Variants in MUC6 observed in about 807,000 individuals in gnomAD.
The protein encoded by MUC6 is mucin 6, oligomeric mucus/gel-forming (gene/pseudogene), also known as mucin-6.
A neutral mutation model predicts 201.5 loss-of-function variants in MUC6; 188 were observed. The observed-to-expected ratio is 0.93, with a 90% CI of 0.83 to 1.05. The LOEUF (loss-of-function observed/expected upper bound fraction) is 1.05. MUC6 is among the 50% of genes least tolerant of loss of function. MUC6 has a pLI of 0.00. For missense variants in MUC6, 2,706 were observed against 3,256.9 expected (o/e 0.83, Z 4.12); for synonymous variants, 1,228 against 1,389.4 (o/e 0.88, Z 2.58).
chr11:1,034,951 A>T (rs1857184832), intron 1 of MUC6, among the ~76,000 whole-genome samples: 1 of 152,152 alleles, frequency 6.6e-6, no homozygotes, highest in African/African-American at 2.4e-5. Context: ...TCCTGCCCAG[A>T]CTGGCTGTGC....
intron 10 of MUC6, 24 bp downstream of exon 10, chr11:1,029,204 C>T: frequency 6.2e-7 from 1 of 1,605,860 alleles, no homozygotes; most frequent in Non-Finnish European, 8.5e-7. Context: ...CGCCCCTCCC[C>T]ACGGGCCACA....
chr11:1,026,252 C>T, intron 20 of MUC6, 75 bp downstream of exon 20: 1 of 1,542,016 alleles, frequency 6.5e-7, no homozygotes, highest in East Asian at 2.3e-5. Flanking sequence ...CTGGGACAGC[C>T]CCACCCCGGG....
intron 19 of MUC6, among the ~76,000 whole-genome samples, 152 bp downstream of exon 19, chr11:1,026,789 T>C (rs1856970002): frequency 6.6e-6 from 1 of 152,226 alleles, no homozygotes; most frequent in Admixed American, 6.5e-5. Context: ...GGCCTCCAGC[T>C]GCCTGGCCAC....
chr11:1,033,190 A>G lies in MUC6; in HGVS notation c.53-115T>C. The G allele has an allele frequency of 9.4e-7, 1 of 1,060,972 alleles. No individual in the cohort carries two copies. The highest frequency in any genetic ancestry group is 1.4e-6 in the Non-Finnish European group (1 of 692,726). 65.7% of individuals were successfully genotyped at this position (1,060,972 alleles called of 1,614,324 possible). A position where few individuals can be genotyped will look rare whatever the true frequency, so the allele number is the denominator to read the frequency against. On this transcript the variant is annotated intron_variant, in intron 1 of 32. Transcript: ENST00000421673. This position sits in a 1 kb window ranked among gnomAD's most constrained non-coding sequence, Gnocchi z 5.6. ...TCCCTGCACACACTCGGCGTGCGAG[A>G]AGTGTCCATGGCCCGTGGGGCTCGA...
At chr11:1,022,117 G>A (rs11602095) in intron 26 of MUC6, among the ~76,000 whole-genome samples, 11,039 of 117,108 alleles carry the variant, frequency 0.094, 481 homozygotes, top group Middle Eastern at 0.19. Context: ...CTGCAGCCCC[G>A]CGCCCCTCAC....
Position 1,016,460 on chromosome 11 carries a change from A to C in MUC6, c.6341T>G (p.Leu2114Trp). The C allele has an allele frequency of 6.2e-7, 1 of 1,613,766 alleles. No individual in the cohort carries two copies. Among genetic ancestry groups the C allele is most frequent in the Non-Finnish European group, 8.5e-7 (1 of 1,179,844 alleles). The change falls in exon 31 of 33, where the codon TTG (leucine) becomes TGG (tryptophan). Residue 2114 changes from leucine to tryptophan, a missense_variant. This residue lies in a region of MUC6 where 586 missense variants were observed against 488.0 expected (regional missense o/e 1.20). Coordinates refer to ENST00000421673, the MANE Select transcript of MUC6 (RefSeq NM_005961.3). Reference sequence around the variant, plus strand: ...GGAAACAGGAGTGGTTGCAGAACTCAAGTGGGGGAGTTGTGTGGTGATAGG... The same window carrying C: ...GGAAACAGGAGTGGTTGCAGAACTCCAGTGGGGGAGTTGTGTGGTGATAGG... ...SSPITTQLPHLSSATTPVSTT... is the reference protein window; with the variant it reads ...SSPITTQLPHWSSATTPVSTT...
At chr11:1,031,506 G>A in intron 4 of MUC6, 101 bp downstream of exon 4, 6 of 1,494,224 alleles carry the variant, frequency 4.0e-6, no homozygotes, top group Non-Finnish European at 5.4e-6. Context: ...ATGGCAGCCT[G>A]AGGGCTGGCT....
rs771894348 is a variant in MUC6, at chr11:1,033,003, G to T, written c.115+10C>A. ...CTGGGCGGCAGGATCAGTGGCCGCT[G>T]TGTTCTTACCTGTCTGTGGAGAGTC... On this transcript the variant is annotated intron_variant, in intron 2 of 32. Transcript: ENST00000421673. This position sits in a 1 kb window ranked among gnomAD's most constrained non-coding sequence, Gnocchi z 5.6. 6.3e-7 allele frequency: 1 copy of T among 1,578,758 alleles called. No homozygotes were observed. Among genetic ancestry groups the T allele is most frequent in the Non-Finnish European group, 8.7e-7 (1 of 1,153,902 alleles).
rs1185028376 is a variant in MUC6 at position 1,031,158 on chromosome 11, C to T, written c.574+11G>A. 3 of 1,517,130 alleles carry T rather than the reference C, an allele frequency of 2.0e-6. No homozygotes were observed. Among genetic ancestry groups the T allele is most frequent in the Non-Finnish European group, 1.8e-6 (2 of 1,126,754 alleles). 94.0% of individuals were successfully genotyped at this position (1,517,130 alleles called of 1,614,324 possible). A position where few individuals can be genotyped will look rare whatever the true frequency, so the allele number is the denominator to read the frequency against. On this transcript the variant is annotated intron_variant, in intron 5 of 32. Transcript: ENST00000421673. ...CCCCCCCAGAGGCCCCCCAGCCCTG[C>T]CCCCACCTACCCTCCTCACTGACAA...
chr11:1,020,010 C>T, intron 29 of MUC6, 80 bp downstream of exon 29: 1 of 1,501,586 alleles, frequency 6.7e-7, no homozygotes, highest in Non-Finnish European at 9.1e-7. Flanking sequence ...GAAGCAGGGC[C>T]ATCCCTAAGC....
Position 1,018,729 on chromosome 11 carries a change from G to A in MUC6, c.4072C>T (p.Gln1358Ter), listed in dbSNP as rs1321336632. ...GGGGTTGGACGTGGGCCTGTCGTCT[G>A]GGTGGCCGTTGTTCCTGGCAGTTCC... is the stretch of plus-strand genomic sequence containing the variant. ...NQELPGTTATQTTGPRPTPAS... is the reference protein window; with the variant it reads ...NQELPGTTAT The change falls in exon 31 of 33, where the codon CAG becomes TAG. Residue 1358 changes from glutamine (Q) to a stop codon, truncating the protein, a stop_gained. Transcript: ENST00000421673. LOFTEE classifies it high-confidence loss of function. 1.3e-6 allele frequency: 2 copies of A among 1,583,926 alleles called. No homozygotes were observed. The highest frequency in any genetic ancestry group is 1.4e-5 in the African/African-American group (1 of 72,796).
intron 20 of MUC6, 49 bp from the exon 21 acceptor site, chr11:1,026,190 A>G: frequency 6.4e-7 from 1 of 1,561,032 alleles, no homozygotes. Flanking sequence ...CTCCTGCCAT[A>G]CTGGGTGTGG....
In MUC6 at chr11:1,025,981, C is replaced by A. The variant is rs961287240; in HGVS notation, c.2688+19G>T. ...GCCTCTGGGTCCCCGGCCCCTGCGG[C>A]CTGGCACCCGATGGTTACCGTGGCC... On this transcript the variant is annotated intron_variant, in intron 21 of 32. Coordinates refer to ENST00000421673, the MANE Select transcript of MUC6 (RefSeq NM_005961.3). 18 of 1,588,392 alleles carry A rather than the reference C, an allele frequency of 1.1e-5. No homozygotes were observed. In the African/African-American group the frequency reaches 2.4e-4, roughly 21 times the overall value.
Position 1,018,616 on chromosome 11 carries a change from A to G in MUC6, c.4185T>C (p.Thr1395=), listed in dbSNP as rs375986967. 1 of 1,612,202 alleles carries G rather than the reference A, an allele frequency of 6.2e-7. No individual in the cohort carries two copies. The change falls in exon 31 of 33, where the codon ACT becomes ACC. Residue 1395 remains threonine (T), a synonymous_variant. Coordinates refer to ENST00000421673, the MANE Select transcript of MUC6 (RefSeq NM_005961.3). ...ATETTQTRTT[T]EYTTPQTPHT... Reference sequence around the variant, plus strand: ...GTGGGGTTTGGGGCGTTGTGTATTCAGTAGTCGTTCTTGTTTGAGTGGTCT... The same window carrying G: ...GTGGGGTTTGGGGCGTTGTGTATTCGGTAGTCGTTCTTGTTTGAGTGGTCT...
In MUC6 at chr11:1,026,934, C is replaced by G. The variant is rs190882052; in HGVS notation, c.2394+7G>C. On this transcript the variant is annotated splice_region_variant and intron_variant, in intron 19 of 32. Coordinates refer to ENST00000421673, the MANE Select transcript of MUC6 (RefSeq NM_005961.3). ...GCATTGTCCCTGCTCCTCGCGCGCC[C>G]CCTTACGCAGGCAACACCGGTGGCC... 2.0e-5 allele frequency: 31 copies of G among 1,573,682 alleles called. No individual in the cohort carries two copies. Among genetic ancestry groups the G allele is most frequent in the Middle Eastern group, 3.3e-4 (2 of 5,990 alleles).
At position 1,025,095 on chromosome 11, in the gene MUC6, G is replaced by A; in HGVS notation, c.2986-12C>T. On this transcript the variant is annotated splice_polypyrimidine_tract_variant and intron_variant, in intron 23 of 32. Transcript: ENST00000421673. ...CCGCAGAGGGGATCCTGCAGACGGT[G>A]GCATCAGGCCGGGCCCAGGGGCCGT... 1 of 1,612,834 alleles carries A rather than the reference G, an allele frequency of 6.2e-7. No individual in the cohort carries two copies. The highest frequency in any genetic ancestry group is 1.3e-5 in the African/African-American group (1 of 75,078).
Position 1,015,954 on chromosome 11 carries a change from A to T in MUC6, c.6847T>A (p.Ser2283Thr). The T allele has an allele frequency of 6.3e-7, 1 of 1,593,336 alleles. No homozygotes were observed. The highest frequency in any genetic ancestry group is 1.1e-5 in the South Asian group (1 of 87,572). The change falls in exon 31 of 33, where the codon TCA (serine) becomes ACA (threonine). Residue 2283 changes from serine (S) to threonine (T), a missense_variant. Physicochemically the swap from Ser to Thr is moderately conservative, Grantham distance 58. Transcript: ENST00000421673. ...CCCGAGGTGAGTGACACAAAGCCTGATGTGGGAACTCGGGTGGTGAGAGAA... is the reference window on the plus strand; with the variant it reads ...CCCGAGGTGAGTGACACAAAGCCTGTTGTGGGAACTCGGGTGGTGAGAGAA... Reference protein sequence around the residue: ...STSLTTRVPTSGFVSLTSGVT... With the variant: ...STSLTTRVPTTGFVSLTSGVT...
Position 1,016,575 on chromosome 11 carries a change from T to G in MUC6, c.6226A>C (p.Ser2076Arg), listed in dbSNP as rs1856620737. The change falls in exon 31 of 33, where the codon AGC (serine) becomes CGC (arginine). Residue 2076 changes from serine (S) to arginine (R), a missense_variant. Physicochemically the swap from Ser to Arg is moderately radical, Grantham distance 110. This residue lies in a region of MUC6 where 586 missense variants were observed against 488.0 expected (regional missense o/e 1.20). Transcript: ENST00000421673. The part of the protein sequence containing the change: ...VTTSGTSQTH[S>R]SFSTATASSS... ...GAGGCTGTAGCTGTGCTGAATGAGCTGTGGGTTTGGCTGGTCCCACTGGTG... is the reference window on the plus strand; with the variant it reads ...GAGGCTGTAGCTGTGCTGAATGAGCGGTGGGTTTGGCTGGTCCCACTGGTG... 6.2e-7 allele frequency: 1 copy of G among 1,613,452 alleles called. No individual in the cohort carries two copies. The highest frequency in any genetic ancestry group is 8.5e-7 in the Non-Finnish European group (1 of 1,179,496).
rs368231951 is a variant in MUC6, at chr11:1,016,555, T to A, written c.6246A>T (p.Thr2082=). The change falls in exon 31 of 33, where the codon ACA becomes ACT. Residue 2082 remains threonine, a synonymous_variant. Transcript: ENST00000421673. ...AGGAGGATATGAAGGAAGAAGAGGC[T>A]GTAGCTGTGCTGAATGAGCTGTGGG... ...SQTHSSFSTA[T]ASSSFISSSS... 1,364 of 1,613,426 alleles carry A rather than the reference T, an allele frequency of 8.5e-4. No homozygotes were observed. Among genetic ancestry groups the A allele is most frequent in the Non-Finnish European group, 1.1e-3 (1,280 of 1,179,426 alleles).
Sources: gnomAD v4.1 joint callset for allele counts (sites outside exome capture counted in the v4.1 genomes callset) on GRCh38, gnomAD v4.1.1 for gene constraint, gnomAD v4.1.1 regional missense constraint, Gnocchi (gnomAD v3.1) non-coding constraint, MANE v1.5 for transcripts, NCBI Gene and HGNC (gene_info 2026-07-23, HGNC 2026-07-21) for gene names.